HYCC2: variants seen among roughly 807,000 people sequenced by gnomAD.
The protein encoded by HYCC2 is hyccin PI4KA lipid kinase complex subunit 2, also known as hyccin 2.
At chr2:201,022,477 C>T in the HYCC2 span, 1 of 218,564 alleles carries the variant, frequency 4.6e-6, no homozygotes, top group African/African-American at 2.4e-5. Flanking sequence ...TGTAAAAATA[C>T]TTAAGATAAA....
the HYCC2 span, among the ~76,000 whole-genome samples, chr2:200,985,092 C>T: frequency 6.6e-6 from 1 of 152,008 alleles, no homozygotes; most frequent in East Asian, 1.9e-4. Context: ...GCCTGGGCAA[C>T]AGAGTGAGAC....
At chr2:201,043,446 A>AAG in the HYCC2 span, among the ~76,000 whole-genome samples, 5 of 150,714 alleles carry the variant, frequency 3.3e-5, no homozygotes, top group African/African-American at 9.7e-5. Context: ...AAAAAAAAAA[A>AAG]AAAGAAAGAA....
the HYCC2 span, chr2:200,987,471 G>A: frequency 7.8e-7 from 1 of 1,289,834 alleles, no homozygotes; most frequent in Middle Eastern, 2.1e-4. Flanking sequence ...GGTCAGTGGA[G>A]CCGTGTTGGA....
the HYCC2 span, among the ~76,000 whole-genome samples, chr2:201,069,187 T>C: frequency 2.0e-5 from 3 of 152,206 alleles, no homozygotes; most frequent in South Asian, 2.1e-4. Flanking sequence ...CAAAACTGTA[T>C]TGCAAATAAT....
chr2:201,063,147 G>A, the HYCC2 span: 7 of 1,610,402 alleles, frequency 4.3e-6, no homozygotes, highest in East Asian at 1.1e-4. Context: ...TTCATTGGAG[G>A]GTTGAGCTTT....
the HYCC2 span, among the ~76,000 whole-genome samples, chr2:201,038,483 G>A: frequency 6.6e-6 from 1 of 152,050 alleles, no homozygotes; most frequent in East Asian, 1.9e-4. Context: ...GCAAAGACTT[G>A]GAACCAACCC....
At chr2:201,001,828 C>A in the HYCC2 span, among the ~76,000 whole-genome samples, 2 of 152,048 alleles carry the variant, frequency 1.3e-5, no homozygotes, top group African/African-American at 4.8e-5. Context: ...TGAGCCACCA[C>A]ACCCGGCTAA....
the HYCC2 span, chr2:201,067,110 T>G: frequency 4.0e-6 from 1 of 248,388 alleles, no homozygotes; most frequent in Non-Finnish European, 8.2e-6. Context: ...TGATCAGACC[T>G]GATGAAGAGA....
At chr2:200,975,374 C>T in the HYCC2 span, 17 of 151,946 alleles carry the variant, frequency 1.1e-4, no homozygotes, top group Non-Finnish European at 1.9e-4. Flanking sequence ...GCTGTTTATA[C>T]TCAAATACAG....
the HYCC2 span, among the ~76,000 whole-genome samples, chr2:201,062,397 C>T: frequency 6.6e-6 from 1 of 151,184 alleles, no homozygotes; most frequent in Non-Finnish European, 1.5e-5. Flanking sequence ...ACCTGTAATC[C>T]CAGCACTTTG....
chr2:201,050,312 A>T, the HYCC2 span, among the ~76,000 whole-genome samples: 1 of 152,068 alleles, frequency 6.6e-6, no homozygotes. Context: ...ACTAATGCTG[A>T]AAGAAACAGA....
the HYCC2 span, chr2:200,975,931 T>TA: frequency 6.6e-6 from 1 of 152,236 alleles, no homozygotes; most frequent in Admixed American, 6.5e-5. Flanking sequence ...ATAATGCAAG[T>TA]AATACTAAAA....
the HYCC2 span, among the ~76,000 whole-genome samples, chr2:201,049,989 T>C: frequency 1.3e-5 from 2 of 152,056 alleles, no homozygotes; most frequent in Non-Finnish European, 2.9e-5. Context: ...CGTGAGCCAC[T>C]GCACCTGGCC....
the HYCC2 span, among the ~76,000 whole-genome samples, chr2:201,000,163 A>G: frequency 1.3e-5 from 2 of 151,784 alleles, no homozygotes; most frequent in Non-Finnish European, 1.5e-5. Context: ...GCTTGAGCTC[A>G]CGCATTCAAG....
chr2:200,994,094 T>A, the HYCC2 span, among the ~76,000 whole-genome samples: 1 of 152,310 alleles, frequency 6.6e-6, no homozygotes, highest in Non-Finnish European at 1.5e-5. Flanking sequence ...GTTAGACCAT[T>A]AAAGAAAAGT....
the HYCC2 span, among the ~76,000 whole-genome samples, chr2:201,020,089 AAAAC>A: frequency 1.6e-4 from 25 of 152,264 alleles, no homozygotes; most frequent in Middle Eastern, 3.4e-3. Context: ...GGCTCAGAAA[AAAAC>A]AAACAAACAA....
the HYCC2 span, among the ~76,000 whole-genome samples, chr2:201,019,732 G>A: frequency 6.6e-6 from 1 of 151,554 alleles, no homozygotes; most frequent in Admixed American, 6.6e-5. Flanking sequence ...ACTCCAGCCT[G>A]GGTGACAAAG....
At chr2:201,012,330 G>A in the HYCC2 span, among the ~76,000 whole-genome samples, 1 of 151,988 alleles carries the variant, frequency 6.6e-6, no homozygotes, top group Non-Finnish European at 1.5e-5. Flanking sequence ...GCATGGTATC[G>A]CAGGCCTGTA....
chr2:201,027,992 C>G, the HYCC2 span, among the ~76,000 whole-genome samples: 1,078 of 152,116 alleles, frequency 7.1e-3, 18 homozygotes, highest in South Asian at 0.014. Flanking sequence ...AGAAATAAAG[C>G]GTATTCAATT....
Sources: allele counts gnomAD v4.1 joint callset (sites outside exome capture counted in the v4.1 genomes callset), GRCh38; gene constraint gnomAD v4.1.1; transcripts MANE v1.5; gene names NCBI Gene and HGNC (gene_info 2026-07-23, HGNC 2026-07-21).